TRHDE: variants seen among roughly 807,000 people sequenced by gnomAD.
The protein encoded by TRHDE is thyrotropin-releasing hormone-degrading ectoenzyme.
Under a neutral mutation model 125.7 loss-of-function variants are expected in TRHDE, and 72 were observed. That is an observed-to-expected ratio of 0.57 (90% confidence interval 0.47 to 0.70). The LOEUF is 0.70. Among genes scored for constraint, TRHDE ranks in the 30% least tolerant of loss-of-function variants. The pLI is 0.00. For synonymous variants in TRHDE, 509 were observed against 509.1 expected, an observed-to-expected ratio of 1.00 and a Z score of 0.00; for missense variants, 1,110 against 1,327.1, an observed-to-expected ratio of 0.84 and a Z score of 2.54.
intron 12 of TRHDE, among the ~76,000 whole-genome samples, chr12:72,591,584 C>A (rs954080583): frequency 6.8e-5 from 10 of 147,956 alleles, no homozygotes; most frequent in Admixed American, 5.4e-4. Flanking sequence ...TGTACATACC[C>A]TAATATTTGC....
chr12:72,121,321 C>T (rs906503080), intron 2 of TRHDE, among the ~76,000 whole-genome samples: 1 of 152,192 alleles, frequency 6.6e-6, no homozygotes, highest in Non-Finnish European at 1.5e-5. Flanking sequence ...GCCTAGACAA[C>T]CTTTCAGGTT....
chr12:72,640,494 C>A (rs563190264), intron 15 of TRHDE, among the ~76,000 whole-genome samples: 5 of 152,190 alleles, frequency 3.3e-5, no homozygotes, highest in South Asian at 2.1e-4. Context: ...AGCTGTAGAC[C>A]GGAGCTGTTC....
At chr12:72,090,722 A>G (rs1375922103) in intron 1 of TRHDE, among the ~76,000 whole-genome samples, 1 of 152,214 alleles carries the variant, frequency 6.6e-6, no homozygotes, top group Non-Finnish European at 1.5e-5. Flanking sequence ...ATTCATACTT[A>G]TTATAGACAA....
At chr12:72,328,185 T>C (rs939249013) in intron 2 of TRHDE, among the ~76,000 whole-genome samples, 31 of 152,208 alleles carry the variant, frequency 2.0e-4, no homozygotes, top group African/African-American at 7.5e-4. Context: ...GGTGTACTTC[T>C]GTTTTTCCAT....
In TRHDE at chr12:72,273,299, G is replaced by A; in HGVS notation, c.656G>A (p.Arg219Gln). The A allele has an allele frequency of 1.2e-6, 2 of 1,613,518 alleles. No homozygotes were observed. The highest frequency in any genetic ancestry group is 1.7e-6 in the Non-Finnish European group (2 of 1,179,890). Reference protein sequence around the residue: ...SGEVNVEIACRNATRYVVLHA... With the variant: ...SGEVNVEIACQNATRYVVLHA... ...GAGGTCAACGTGGAGATCGCGTGCC[G>A]GAACGCCACCCGCTACGTAGTGCTG... Residue 219 changes from arginine to glutamine, a missense_variant, in exon 1 of 19, where the codon CGG becomes CAG. This residue lies in a region of TRHDE where 72 missense variants were observed against 122.2 expected (regional missense o/e 0.59). Coordinates refer to ENST00000261180, the MANE Select transcript of TRHDE (RefSeq NM_013381.3). This position sits in a 1 kb window ranked among gnomAD's most constrained non-coding sequence, Gnocchi z 5.3.
intron 1 of TRHDE, among the ~76,000 whole-genome samples, chr12:72,098,166 A>G (rs2067624263): frequency 6.6e-6 from 1 of 152,286 alleles, no homozygotes. Context: ...TATAGACGTG[A>G]GCCACTGTGC....
At chr12:72,594,316 T>C (rs1193200923) in intron 12 of TRHDE, among the ~76,000 whole-genome samples, 1 of 151,960 alleles carries the variant, frequency 6.6e-6, no homozygotes, top group East Asian at 2.0e-4. Flanking sequence ...TGTCTTCTTT[T>C]GAGAAGTGTC....
intron 3 of TRHDE, among the ~76,000 whole-genome samples, chr12:72,467,010 G>A (rs1876408580): frequency 6.6e-6 from 1 of 152,198 alleles, no homozygotes; most frequent in African/African-American, 2.4e-5. Flanking sequence ...TTGAGCAAAG[G>A]AGATGCTCAA....
At chr12:72,304,630 A>C (rs2135691286) in intron 2 of TRHDE, among the ~76,000 whole-genome samples, 1 of 152,300 alleles carries the variant, frequency 6.6e-6, no homozygotes, top group Non-Finnish European at 1.5e-5. Context: ...CTGTCTCTAG[A>C]AAGTCTTAAA....
At chr12:72,293,388 A>G (rs1029986954) in intron 2 of TRHDE, among the ~76,000 whole-genome samples, 1 of 152,132 alleles carries the variant, frequency 6.6e-6, no homozygotes, top group Non-Finnish European at 1.5e-5. Context: ...ATGTATTAGA[A>G]AGTGATCAAG....
At chr12:72,643,474 G>A (rs1874152845) in intron 15 of TRHDE, among the ~76,000 whole-genome samples, 1 of 152,170 alleles carries the variant, frequency 6.6e-6, no homozygotes, top group South Asian at 2.1e-4. Flanking sequence ...TGAGGCTACA[G>A]ATACAAATAT....
At chr12:72,256,923 A>G (rs907780611) in intron 2 of TRHDE, 4 of 152,226 alleles carry the variant, frequency 2.6e-5, no homozygotes, top group African/African-American at 9.6e-5. Context: ...CTATGCCTGA[A>G]CATGGCACCA....
Position 72,243,791 on chromosome 12 carries a change from A to G in TRHDE, n.280-134204A>G, listed in dbSNP as rs372438145. Among the ~76,000 whole-genome samples, 3 of 152,162 alleles carry G rather than the reference A, an allele frequency of 2.0e-5. No homozygotes were observed. In the East Asian group the frequency reaches 5.8e-4, roughly 29 times the overall value. Reference sequence around the variant, plus strand: ...CTTCACTTTTAAAGCCTTCATGGCTATTTTTTTCTTTTGAAATTATTGAGT... The same window carrying G: ...CTTCACTTTTAAAGCCTTCATGGCTGTTTTTTTCTTTTGAAATTATTGAGT... On this transcript the variant is annotated intron_variant and non_coding_transcript_variant, in intron 2 of 4. Coordinates refer to the TRHDE transcript ENST00000548156.
At chr12:72,180,667 A>T (rs1877078359) in intron 2 of TRHDE, among the ~76,000 whole-genome samples, 1 of 152,154 alleles carries the variant, frequency 6.6e-6, no homozygotes, top group African/African-American at 2.4e-5. Context: ...CATGCAGTTG[A>T]GTTTGGCCAG....
intron 2 of TRHDE, among the ~76,000 whole-genome samples, chr12:72,164,432 A>G (rs1391013945): frequency 1.3e-5 from 2 of 152,214 alleles, no homozygotes; most frequent in Admixed American, 1.3e-4. Context: ...GAGAAGACCC[A>G]GAGCCAGAAA....
At chr12:72,339,213 C>T (rs1869968074) in intron 2 of TRHDE, among the ~76,000 whole-genome samples, 1 of 152,166 alleles carries the variant, frequency 6.6e-6, no homozygotes. Flanking sequence ...TGTCCTGAAG[C>T]TCTTACACAG....
At chr12:72,196,294 A>T (rs1403291162) in intron 2 of TRHDE, among the ~76,000 whole-genome samples, 2 of 152,124 alleles carry the variant, frequency 1.3e-5, no homozygotes, top group African/African-American at 4.8e-5. Context: ...ATAGCATTGA[A>T]CTTGTAGATT....
chr12:72,147,929 C>T (rs1007482753), intron 2 of TRHDE: 1 of 152,212 alleles, frequency 6.6e-6, no homozygotes, highest in Non-Finnish European at 1.5e-5. Flanking sequence ...CTGAACAGCT[C>T]TCTAATGATT....
Position 72,215,019 on chromosome 12 carries a change from G to A in TRHDE, n.279+109267G>A, listed in dbSNP as rs150890823. ...GTGTTAGGTGCATTGCATGTGGTCC[G>A]TGTGAAGAGACCACGAAACAGGCTT... On this transcript the variant is annotated intron_variant and non_coding_transcript_variant, in intron 2 of 4. Transcript: ENST00000548156. Among the ~76,000 whole-genome samples the A allele has an allele frequency of 3.7e-4, 57 of 152,226 alleles. No homozygotes were observed. The East Asian group carries it at 5.8e-3, about 15-fold the overall frequency.
Sources: allele counts gnomAD v4.1 joint callset (sites outside exome capture counted in the v4.1 genomes callset), GRCh38; gene constraint gnomAD v4.1.1; regional missense constraint gnomAD v4.1.1; non-coding constraint Gnocchi (gnomAD v3.1); transcripts MANE v1.5; gene names NCBI Gene and HGNC (gene_info 2026-07-23, HGNC 2026-07-21).